Variants in CWC27 observed in about 807,000 individuals in gnomAD.
CWC27 encodes CWC27 spliceosome associated cyclophilin.
A neutral mutation model predicts 63.6 loss-of-function variants in CWC27; 47 were observed. The ratio of observed to expected loss-of-function variants is 0.74; its 90% CI spans 0.58 to 0.94. The LOEUF is 0.94. Ranked by LOEUF, CWC27 falls within the 40% of genes least tolerant of loss-of-function variation. CWC27 has a pLI of 0.00. For synonymous variants in CWC27, 175 were observed against 179.8 expected (o/e 0.97, Z 0.22); for missense variants, 495 against 554.3 (o/e 0.89, Z 1.07).
intron 11 of CWC27, among the ~76,000 whole-genome samples, chr5:64,917,050 T>A (rs1747903207): frequency 6.6e-6 from 1 of 152,142 alleles, no homozygotes; most frequent in African/African-American, 2.4e-5. Context: ...CTTTTTACCC[T>A]GAGCTGGCTA....
At chr5:64,911,951 G>T (rs1033112368) in intron 11 of CWC27, among the ~76,000 whole-genome samples, 7 of 151,872 alleles carry the variant, frequency 4.6e-5, no homozygotes, top group African/African-American at 1.7e-4. Context: ...GCGGGCACCT[G>T]CAGTCCCAGC....
At chr5:65,011,622 GGGTTTCCTTGTGTAGACAAT>G (rs1404515282) in intron 13 of CWC27, among the ~76,000 whole-genome samples, 3 of 152,206 alleles carry the variant, frequency 2.0e-5, no homozygotes, top group African/African-American at 7.2e-5. Context: ...TGGGAATTTT[GGGTTTCCTTGTGTAGACAAT>G]GGAGAGCCAC....
chr5:64,986,899 T>C (rs917020941), intron 13 of CWC27, among the ~76,000 whole-genome samples: 1 of 152,216 alleles, frequency 6.6e-6, no homozygotes, highest in Non-Finnish European at 1.5e-5. Flanking sequence ...CTCAACTCTG[T>C]AATACATCTA....
intron 11 of CWC27, among the ~76,000 whole-genome samples, chr5:64,889,262 A>T (rs1271863966): frequency 6.6e-6 from 1 of 152,210 alleles, no homozygotes; most frequent in African/African-American, 2.4e-5. Flanking sequence ...GATAAGGTCT[A>T]TAGTTAGTTA....
intron 11 of CWC27, among the ~76,000 whole-genome samples, chr5:64,894,173 C>G (rs979496108): frequency 3.9e-5 from 6 of 152,050 alleles, no homozygotes; most frequent in African/African-American, 1.4e-4. Flanking sequence ...CGTGATCCAC[C>G]CGCCTTAGCC....
rs34138527 is a variant in CWC27, at chr5:64,988,602, ATT to A, written c.1256+11381_1256+11382del. ...CAGCGTGGGACCTGGCTGTTAGACT[ATT>A]TTTTTTTTTTTTTTTTGAGACGGGG... is the stretch of plus-strand genomic sequence containing the variant. On this transcript the variant is annotated intron_variant, in intron 13 of 13. Transcript: ENST00000381070. 7.7e-3 allele frequency among the ~76,000 whole-genome samples: 974 copies of A among 126,910 alleles called. 7 individuals carry two copies. The highest frequency in any genetic ancestry group is 0.024 in the African/African-American group (795 of 32,982). The allele number at this position is 126,910 out of a possible 152,430, so 83.3% of individuals were successfully genotyped here.
intron 13 of CWC27, among the ~76,000 whole-genome samples, chr5:64,994,084 A>G (rs1749587077): frequency 6.6e-6 from 1 of 152,206 alleles, no homozygotes; most frequent in South Asian, 2.1e-4. Flanking sequence ...GAATTTTTCA[A>G]ATACCTAATT....
At chr5:64,919,477 A>C (rs1331442185) in intron 11 of CWC27, among the ~76,000 whole-genome samples, 1 of 152,170 alleles carries the variant, frequency 6.6e-6, no homozygotes, top group Non-Finnish European at 1.5e-5. Context: ...ATAGTACCCT[A>C]TAGGTAGCCT....
chr5:64,874,295 G>A (rs1203664807), intron 10 of CWC27, among the ~76,000 whole-genome samples: 2 of 150,816 alleles, frequency 1.3e-5, no homozygotes, highest in Admixed American at 6.6e-5. Flanking sequence ...CTGAGTGGCT[G>A]GGATTACAGG....
At chr5:64,902,096 G>A (rs1747522825) in intron 11 of CWC27, among the ~76,000 whole-genome samples, 1 of 152,082 alleles carries the variant, frequency 6.6e-6, no homozygotes, top group Non-Finnish European at 1.5e-5. Flanking sequence ...TTTATAGGTA[G>A]GAGTACACTC....
intron 10 of CWC27, among the ~76,000 whole-genome samples, chr5:64,835,698 A>AT (rs1488723963): frequency 6.6e-6 from 1 of 151,722 alleles, no homozygotes; most frequent in Admixed American, 6.6e-5. Flanking sequence ...TTAACAATGT[A>AT]TTTTTTTCTC....
chr5:64,947,544 A>G (rs1358716403), intron 11 of CWC27, among the ~76,000 whole-genome samples: 2 of 152,138 alleles, frequency 1.3e-5, no homozygotes, highest in Non-Finnish European at 2.9e-5. Flanking sequence ...TAATAAGCTA[A>G]AAGTCTAATC....
intron 10 of CWC27, among the ~76,000 whole-genome samples, chr5:64,876,187 G>A (rs6449763): frequency 0.4 from 61,062 of 151,822 alleles, 13,606 homozygotes; most frequent in African/African-American, 0.59. Flanking sequence ...GAAATATGGT[G>A]AACCTACATC....
At chr5:64,891,373 C>A (rs1277568708) in intron 11 of CWC27, among the ~76,000 whole-genome samples, 2 of 152,154 alleles carry the variant, frequency 1.3e-5, no homozygotes, top group Non-Finnish European at 2.9e-5. Context: ...TTTTCTTGAA[C>A]CCCTTACTAC....
At chr5:64,933,283 C>A (rs917487092) in intron 11 of CWC27, among the ~76,000 whole-genome samples, 10 of 152,168 alleles carry the variant, frequency 6.6e-5, no homozygotes. Context: ...AATCCCATTT[C>A]TTAAGGTTTA....
intron 10 of CWC27, among the ~76,000 whole-genome samples, chr5:64,830,078 A>G (rs1405559864): frequency 6.9e-6 from 1 of 144,958 alleles, no homozygotes; most frequent in Non-Finnish European, 1.5e-5. Context: ...CACAACGTGC[A>G]GGTTTGTTAC....
chr5:64,874,950 G>C (rs946163312), intron 10 of CWC27, among the ~76,000 whole-genome samples: 4 of 151,908 alleles, frequency 2.6e-5, no homozygotes, highest in Middle Eastern at 3.4e-3. Flanking sequence ...ATAGACATTT[G>C]GCTAAAGACT....
chr5:64,828,336 G>T (rs1745423418), intron 10 of CWC27, among the ~76,000 whole-genome samples: 1 of 152,094 alleles, frequency 6.6e-6, no homozygotes, highest in African/African-American at 2.4e-5. Context: ...GAAGTTTAAA[G>T]TTGAAAGAAC....
At chr5:64,775,448 C>T (rs1743407194) in intron 2 of CWC27, among the ~76,000 whole-genome samples, 2 of 152,142 alleles carry the variant, frequency 1.3e-5, no homozygotes, top group African/African-American at 4.8e-5. Context: ...TTGCACTAAC[C>T]ACATGGTTTT....
Sources: gnomAD v4.1 joint callset for allele counts (sites outside exome capture counted in the v4.1 genomes callset) on GRCh38, gnomAD v4.1.1 for gene constraint, MANE v1.5 for transcripts, NCBI Gene and HGNC (gene_info 2026-07-23, HGNC 2026-07-21) for gene names.